Variants in IQCH observed in about 807,000 individuals in gnomAD.
IQCH encodes the protein IQ domain-containing protein H.
In IQCH, 98 loss-of-function variants were observed where a neutral mutation model predicts 117.0. The ratio of observed to expected loss-of-function variants is 0.84; its 90% confidence interval spans 0.71 to 0.99. The LOEUF (loss-of-function observed/expected upper bound fraction) is 0.99. Ranked by LOEUF, IQCH falls within the 50% of genes least tolerant of loss-of-function variation. IQCH has a pLI of 0.00. For missense variants in IQCH, 1,102 were observed against 1,243.8 expected, an observed-to-expected ratio of 0.89 and a Z score of 1.72; for synonymous variants, 412 against 448.2, an observed-to-expected ratio of 0.92 and a Z score of 1.02.
chr15:67,442,932 G>T, intron 16 of IQCH, among the ~76,000 whole-genome samples: 1 of 150,112 alleles, frequency 6.7e-6, no homozygotes, highest in African/African-American at 2.5e-5. Context: ...GGAATACTAT[G>T]CAGCCATAAA....
intron 4 of IQCH, among the ~76,000 whole-genome samples, chr15:67,333,016 G>T (rs1444976970): frequency 6.6e-6 from 1 of 152,192 alleles, no homozygotes; most frequent in African/African-American, 2.4e-5. Flanking sequence ...GTCTGGTGAG[G>T]ACCTGTTTCC....
intron 6 of IQCH, among the ~76,000 whole-genome samples, chr15:67,350,496 G>A (rs549946930): frequency 5.0e-4 from 76 of 152,056 alleles, no homozygotes; most frequent in African/African-American, 1.6e-3. Context: ...GTGTGATCTC[G>A]GTTCACTACA....
At chr15:67,331,088 G>A (rs893310058) in intron 4 of IQCH, among the ~76,000 whole-genome samples, 2 of 152,132 alleles carry the variant, frequency 1.3e-5, no homozygotes, top group African/African-American at 4.8e-5. Flanking sequence ...AGCTACCCAA[G>A]TATGCACAAG....
rs898640228 is a variant in IQCH at position 67,493,873 on chromosome 15, T to A, written c.2862-385T>A. Among the ~76,000 whole-genome samples, 1 of 152,212 alleles carries A rather than the reference T, an allele frequency of 6.6e-6. No homozygotes were observed. Among genetic ancestry groups the A allele is most frequent in the African/African-American group, 2.4e-5 (1 of 41,450 alleles). ...CTACCCTGTGTCCAAGTGTTCTCAC[T>A]GTTCAGTTCCCACCTATGAGTGAGA... is the stretch of plus-strand genomic sequence containing the variant. On this transcript the variant is annotated intron_variant, in intron 19 of 20. Transcript: ENST00000335894. The surrounding 1 kb of genome is among the most constrained non-coding windows in gnomAD (Gnocchi z 5.1).
At chr15:67,295,776 A>G (rs951548991) in intron 4 of IQCH, among the ~76,000 whole-genome samples, 2 of 152,134 alleles carry the variant, frequency 1.3e-5, no homozygotes, top group Admixed American at 1.3e-4. Context: ...CTTCTCTCTA[A>G]TCATAATGGA....
intron 16 of IQCH, among the ~76,000 whole-genome samples, chr15:67,440,904 C>T (rs898134976): frequency 2.0e-5 from 3 of 151,956 alleles, no homozygotes; most frequent in Admixed American, 6.6e-5. Flanking sequence ...GCATCCAAAT[C>T]GGTAAAGAGG....
chr15:67,358,348 C>G (rs2140741014), intron 7 of IQCH, among the ~76,000 whole-genome samples: 1 of 149,972 alleles, frequency 6.7e-6, no homozygotes, highest in East Asian at 2.0e-4. Context: ...GGATGTACCA[C>G]CACTCCTGGC....
At position 67,501,012 on chromosome 15, in the gene IQCH, G is replaced by C. The variant is rs2083966366; in HGVS notation, c.*266G>C. 4.6e-6 allele frequency: 1 copy of C among 219,266 alleles called. No homozygotes were observed. The highest frequency in any genetic ancestry group is 2.3e-5 in the African/African-American group (1 of 43,954). The allele number at this position is 219,266 out of a possible 1,614,324, so 13.6% of individuals were successfully genotyped here. On this transcript the variant is annotated 3_prime_UTR_variant, in exon 21 of 21. Transcript: ENST00000335894. This position sits in a 1 kb window ranked among gnomAD's most constrained non-coding sequence, Gnocchi z 5.2. ...TCTCAAACTCAGAAAAAAGTAATCTGATAAAAGAAGAAAGTTAAAAGTCTT... is the reference window on the plus strand; with the variant it reads ...TCTCAAACTCAGAAAAAAGTAATCTCATAAAAGAAGAAAGTTAAAAGTCTT...
intron 18 of IQCH, among the ~76,000 whole-genome samples, chr15:67,480,933 G>A (rs2141062500): frequency 6.6e-6 from 1 of 152,032 alleles, no homozygotes; most frequent in East Asian, 1.9e-4. Context: ...CAGACATCTT[G>A]CAAGCAGAAA....
chr15:67,349,533 A>G (rs1174138827), intron 6 of IQCH, among the ~76,000 whole-genome samples: 1 of 146,642 alleles, frequency 6.8e-6, no homozygotes, highest in Non-Finnish European at 1.5e-5. Flanking sequence ...GCTTGAGTCC[A>G]GGAGGCAGAG....
intron 3 of IQCH, among the ~76,000 whole-genome samples, chr15:67,272,572 T>G (rs780035190): frequency 3.9e-5 from 6 of 152,238 alleles, no homozygotes; most frequent in Non-Finnish European, 8.8e-5. Flanking sequence ...CTCTTTTGGC[T>G]CTGTTACAAT....
intron 6 of IQCH, among the ~76,000 whole-genome samples, chr15:67,347,801 A>C (rs977747849): frequency 1.4e-5 from 2 of 145,350 alleles, no homozygotes; most frequent in Admixed American, 6.9e-5. Context: ...TGCTCTGTCT[A>C]TATATATATA....
chr15:67,445,076 C>T lies in IQCH; in HGVS notation c.2506-20051C>T, dbSNP rs2082361548. ...TTGAATTATACTTGGAAAGTGGTGGCTTTGGTATGATTTTTTTTAAAGGAA... is the reference window on the plus strand; with the variant it reads ...TTGAATTATACTTGGAAAGTGGTGGTTTTGGTATGATTTTTTTTAAAGGAA... On this transcript the variant is annotated intron_variant, in intron 16 of 20. Coordinates refer to ENST00000335894, the MANE Select transcript of IQCH (RefSeq NM_001031715.3). This position sits in a 1 kb window ranked among gnomAD's most constrained non-coding sequence, Gnocchi z 4.3. 6.6e-6 allele frequency among the ~76,000 whole-genome samples: 1 copy of T among 151,898 alleles called. No homozygotes were observed. Among genetic ancestry groups the T allele is most frequent in the South Asian group, 2.1e-4 (1 of 4,812 alleles).
At chr15:67,418,513 C>CCCCA (rs1555489464) in intron 15 of IQCH, among the ~76,000 whole-genome samples, 1 of 114,092 alleles carries the variant, frequency 8.8e-6, no homozygotes, top group Admixed American at 1.0e-4. Context: ...CAAGTGGCTA[C>CCCCA]CACACACACA....
intron 6 of IQCH, among the ~76,000 whole-genome samples, chr15:67,349,628 G>GA (rs1969565444): frequency 7.5e-6 from 1 of 133,092 alleles, no homozygotes. Flanking sequence ...AAAAAGGAAA[G>GA]AAAGAAAAGC....
At position 67,491,516 on chromosome 15, in the gene IQCH, T is replaced by A. The variant is rs1211653809; in HGVS notation, c.2861+1452T>A. On this transcript the variant is annotated intron_variant, in intron 19 of 20. Coordinates refer to ENST00000335894, the MANE Select transcript of IQCH (RefSeq NM_001031715.3). This position sits in a 1 kb window ranked among gnomAD's most constrained non-coding sequence, Gnocchi z 4.9. ...AAGCTGGCTGTTTTGAGTCCTCCCC[T>A]CCAGTTTCAGTCTTCCCCCAAGATC... Among the ~76,000 whole-genome samples, 1 of 152,106 alleles carries A rather than the reference T, an allele frequency of 6.6e-6. No individual in the cohort carries two copies. Among genetic ancestry groups the A allele is most frequent in the Non-Finnish European group, 1.5e-5 (1 of 68,004 alleles).
At chr15:67,323,696 AG>A (rs1384680379) in intron 4 of IQCH, among the ~76,000 whole-genome samples, 1 of 152,114 alleles carries the variant, frequency 6.6e-6, no homozygotes, top group Admixed American at 6.6e-5. Context: ...ATATTGCACC[AG>A]TTCACATAAA....
chr15:67,325,306 A>C (rs1968356544), intron 4 of IQCH, among the ~76,000 whole-genome samples: 1 of 151,860 alleles, frequency 6.6e-6, no homozygotes, highest in Admixed American at 6.6e-5. Context: ...CCACGTGTTC[A>C]TTTAGTATTA....
At position 67,369,380 on chromosome 15, in the gene IQCH, G is replaced by C; in HGVS notation, c.754-2731G>C. Among the ~76,000 whole-genome samples the C allele has an allele frequency of 6.6e-6, 1 of 151,808 alleles. No individual in the cohort carries two copies. Among genetic ancestry groups the C allele is most frequent in the Non-Finnish European group, 1.5e-5 (1 of 67,954 alleles). On this transcript the variant is annotated intron_variant, in intron 8 of 20. Coordinates refer to ENST00000335894, the MANE Select transcript of IQCH (RefSeq NM_001031715.3). The surrounding 1 kb of genome is among the most constrained non-coding windows in gnomAD (Gnocchi z 5.2). ...GCACCAGGTGAGAATACAATGTTTT[G>C]ACAGAAATCCTTCTTGGCTAGAAGG...
Sources: allele counts gnomAD v4.1 joint callset (sites outside exome capture counted in the v4.1 genomes callset), GRCh38; gene constraint gnomAD v4.1.1; non-coding constraint Gnocchi (gnomAD v3.1); transcripts MANE v1.5; gene names NCBI Gene and HGNC (gene_info 2026-07-23, HGNC 2026-07-21).